The following CACNA2D3 variants were observed in gnomAD, a reference collection of about 807,000 sequenced individuals.
CACNA2D3 encodes calcium voltage-gated channel auxiliary subunit alpha2delta 3.
CACNA2D3 carries 60 observed loss-of-function variants against 160.6 expected under a neutral mutation model. The ratio of observed to expected loss-of-function variants is 0.37; its 90% CI spans 0.30 to 0.46. The LOEUF (loss-of-function observed/expected upper bound fraction) is 0.46. CACNA2D3 is among the 20% of genes least tolerant of loss of function. CACNA2D3 has a pLI of 1.00. For synonymous variants in CACNA2D3, 558 were observed against 492.9 expected, an observed-to-expected ratio of 1.13 and a Z score of -1.75; for missense variants, 1,205 against 1,365.0, an observed-to-expected ratio of 0.88 and a Z score of 1.85.
intron 3 of CACNA2D3, among the ~76,000 whole-genome samples, chr3:54,361,932 G>C (rs1168098942): frequency 6.6e-6 from 1 of 152,212 alleles, no homozygotes; most frequent in Non-Finnish European, 1.5e-5. Flanking sequence ...ACTTTACTCA[G>C]CATGCAGATA....
At chr3:54,988,203 G>A (rs137958030) in intron 31 of CACNA2D3, among the ~76,000 whole-genome samples, 5 of 152,332 alleles carry the variant, frequency 3.3e-5, no homozygotes, top group Admixed American at 3.3e-4. Flanking sequence ...AAAATCAAGT[G>A]AAAATTCTCA....
At chr3:54,284,396 T>C (rs962780590) in intron 2 of CACNA2D3, among the ~76,000 whole-genome samples, 4 of 151,850 alleles carry the variant, frequency 2.6e-5, no homozygotes, top group Non-Finnish European at 5.9e-5. Context: ...TAATATATTA[T>C]ATATTTTAGC....
intron 9 of CACNA2D3, among the ~76,000 whole-genome samples, chr3:54,592,261 A>G (rs1224488013): frequency 6.6e-6 from 1 of 152,216 alleles, no homozygotes; most frequent in Non-Finnish European, 1.5e-5. Flanking sequence ...TTAGGGTGAA[A>G]GTGCTGGCCT....
At chr3:54,639,073 CAG>C in intron 10 of CACNA2D3, 1 of 147,900 alleles carries the variant, frequency 6.8e-6, no homozygotes. Context: ...GATTGGGGCG[CAG>C]AGATAAGAGA....
intron 13 of CACNA2D3, among the ~76,000 whole-genome samples, chr3:54,811,127 A>G (rs925333058): frequency 2.6e-5 from 4 of 152,200 alleles, no homozygotes; most frequent in Non-Finnish European, 4.4e-5. Flanking sequence ...CTCCCGGGAC[A>G]TGAGCTTCAT....
chr3:54,215,817 T>C (rs1045109385), intron 2 of CACNA2D3, among the ~76,000 whole-genome samples: 12 of 152,198 alleles, frequency 7.9e-5, no homozygotes, highest in Non-Finnish European at 1.3e-4. Context: ...GAGGCATTCA[T>C]GCCTGGAAAC....
chr3:54,661,846 ATGTG>A (rs869104703), intron 11 of CACNA2D3, among the ~76,000 whole-genome samples: 38 of 16,448 alleles, frequency 2.3e-3, no homozygotes, highest in South Asian at 4.5e-3. Flanking sequence ...GGATGTGTGT[ATGTG>A]TGTGTGTGTG....
chr3:54,408,453 G>GT (rs150433971), intron 4 of CACNA2D3, among the ~76,000 whole-genome samples: 6,113 of 152,296 alleles, frequency 0.04, 205 homozygotes, highest in Non-Finnish European at 0.064. Context: ...TGAAAGAACA[G>GT]TTTTTTCCCT....
At position 54,821,693 on chromosome 3, in the gene CACNA2D3, T is replaced by TTCCTTCC. The variant is rs1559594966; in HGVS notation, c.1398+4824_1398+4825insCCTTCCT. On this transcript the variant is annotated intron_variant, in intron 14 of 37. Transcript: ENST00000474759. ...CTTTCTTTCTTTCTTTCTTTCTTTC[T>TTCCTTCC]TTCTTTCCTTCCTTCCTTCTTTCCT... is the stretch of plus-strand genomic sequence containing the variant. Among the ~76,000 whole-genome samples, 21 of 36,182 alleles carry TTCCTTCC rather than the reference T, an allele frequency of 5.8e-4. No individual in the cohort carries two copies. In the South Asian group the frequency reaches 7.2e-3, roughly 12 times the overall value. 23.7% of individuals were successfully genotyped at this position (36,182 alleles called of 152,430 possible). A position where few individuals can be genotyped will look rare whatever the true frequency, so the allele number is the denominator to read the frequency against.
intron 31 of CACNA2D3, among the ~76,000 whole-genome samples, chr3:54,993,441 C>T (rs552881484): frequency 6.6e-6 from 1 of 152,286 alleles, no homozygotes; most frequent in African/African-American, 2.4e-5. Flanking sequence ...CCAACCTGGA[C>T]ATGAAGTGCC....
In CACNA2D3 at chr3:54,562,774, C is replaced by T. The variant is rs758787437; in HGVS notation, c.545-26C>T. 2.2e-5 allele frequency: 34 copies of T among 1,572,164 alleles called. No homozygotes were observed. In the South Asian group the frequency reaches 3.2e-4, roughly 15 times the overall value. ...ATTTCACTTTGGTTTCTAATACACC[C>T]CTCTCTCTCTCTTTCTTTTTTACAG... On this transcript the variant is annotated intron_variant, in intron 5 of 37. Coordinates refer to ENST00000474759, the MANE Select transcript of CACNA2D3 (RefSeq NM_018398.3).
chr3:54,880,807 C>A lies in CACNA2D3; in HGVS notation c.1856C>A (p.Ala619Glu). The A allele has an allele frequency of 1.2e-6, 2 of 1,613,632 alleles. No homozygotes were observed. The highest frequency in any genetic ancestry group is 1.7e-6 in the Non-Finnish European group (2 of 1,179,596). Residue 619 changes from alanine to glutamate, a missense_variant, in exon 21 of 38, where the codon GCG becomes GAG. Transcript: ENST00000474759. Reference protein sequence around the residue: ...IKGTPFSLGVALSRGHGKYFF... With the variant: ...IKGTPFSLGVELSRGHGKYFF... Reference sequence around the variant, plus strand: ...GTCTCTCTGCACAGTTTAGGTGTGGCGCTTTCCAGAGGTCATGGGAAATAT... The same window carrying A: ...GTCTCTCTGCACAGTTTAGGTGTGGAGCTTTCCAGAGGTCATGGGAAATAT...
intron 27 of CACNA2D3, among the ~76,000 whole-genome samples, chr3:54,922,778 A>T (rs1197763900): frequency 6.6e-6 from 1 of 152,010 alleles, no homozygotes; most frequent in African/African-American, 2.4e-5. Flanking sequence ...ACATGCCCCA[A>T]GCTGAAGTCC....
At chr3:54,345,274 C>G (rs1698435959) in intron 3 of CACNA2D3, among the ~76,000 whole-genome samples, 1 of 152,330 alleles carries the variant, frequency 6.6e-6, no homozygotes. Flanking sequence ...GGATCGGGAC[C>G]CCTTTCCTGT....
intron 35 of CACNA2D3, among the ~76,000 whole-genome samples, chr3:55,058,121 G>T (rs954342379): frequency 1.3e-5 from 2 of 152,176 alleles, no homozygotes; most frequent in Non-Finnish European, 2.9e-5. Context: ...ACACTATTCA[G>T]AGTGAATAAT....
chr3:54,853,796 G>T (rs1269111026), intron 17 of CACNA2D3, among the ~76,000 whole-genome samples: 1 of 152,144 alleles, frequency 6.6e-6, no homozygotes, highest in African/African-American at 2.4e-5. Context: ...AGTCTCCCCA[G>T]GATCACTGAC....
chr3:54,320,500 TAA>T lies in CACNA2D3; in HGVS notation c.265_266del (p.Lys89GlufsTer15). The T allele has an allele frequency of 6.4e-7, 1 of 1,570,360 alleles. No individual in the cohort carries two copies. Among genetic ancestry groups the T allele is most frequent in the Non-Finnish European group, 8.6e-7 (1 of 1,157,114 alleles). ...GAAGAAATTGATGGCCTCCAACTGG[TAA>T]AGAAGCTGGCAAAGAACATGGAAGA... On this transcript the variant is annotated frameshift_variant, in exon 3 of 38. Transcript: ENST00000474759. LOFTEE classifies it high-confidence loss of function.
At chr3:54,912,445 C>G (rs1700578112) in intron 27 of CACNA2D3, among the ~76,000 whole-genome samples, 1 of 152,142 alleles carries the variant, frequency 6.6e-6, no homozygotes, top group African/African-American at 2.4e-5. Context: ...CTTCTACTTC[C>G]CTTTTGCCCA....
At chr3:54,970,232 T>C (rs1370830902) in intron 29 of CACNA2D3, among the ~76,000 whole-genome samples, 1 of 152,140 alleles carries the variant, frequency 6.6e-6, no homozygotes, top group Admixed American at 6.5e-5. Context: ...TGACCCATCT[T>C]GCAGATAAGA....
Sources: gnomAD v4.1 joint callset for allele counts (sites outside exome capture counted in the v4.1 genomes callset) on GRCh38, gnomAD v4.1.1 for gene constraint, MANE v1.5 for transcripts, NCBI Gene and HGNC (gene_info 2026-07-23, HGNC 2026-07-21) for gene names.